Variants in ERO1B observed in about 807,000 individuals in gnomAD.
ERO1B encodes ERO1-like protein beta.
Under a neutral mutation model 75.3 loss-of-function variants are expected in ERO1B, and 49 were observed. That is an observed-to-expected ratio of 0.65 (90% CI 0.52 to 0.83). The LOEUF is 0.83. ERO1B is among the 40% of genes least tolerant of loss of function. The probability of loss-of-function intolerance (pLI) is 0.00; values close to 1 mark genes in which losing one functional copy is unlikely to be tolerated. For synonymous variants in ERO1B, 191 were observed against 192.9 expected, an observed-to-expected ratio of 0.99 and a Z score of 0.08; for missense variants, 512 against 560.1, an observed-to-expected ratio of 0.91 and a Z score of 0.87.
chr1:236,235,227 A>G (rs1457319651), intron 8 of ERO1B, among the ~76,000 whole-genome samples: 1 of 152,228 alleles, frequency 6.6e-6, no homozygotes, highest in African/African-American at 2.4e-5. Context: ...AAAGTGTGGT[A>G]CATGAGTCGG....
At chr1:236,274,790 T>C (rs896700543) in intron 1 of ERO1B, among the ~76,000 whole-genome samples, 4 of 151,692 alleles carry the variant, frequency 2.6e-5, no homozygotes, top group African/African-American at 7.3e-5. Context: ...GGAGTTTACA[T>C]TCTCATAGGG....
At chr1:236,250,051 A>G in intron 4 of ERO1B, 84 bp from the exon 5 acceptor site, 3 of 796,826 alleles carry the variant, frequency 3.8e-6, no homozygotes, top group Non-Finnish European at 5.9e-6. Context: ...CAATCTGTCA[A>G]CAATGATATA....
At chr1:236,275,978 A>G (rs1461941502) in intron 1 of ERO1B, among the ~76,000 whole-genome samples, 1 of 152,252 alleles carries the variant, frequency 6.6e-6, no homozygotes, top group African/African-American at 2.4e-5. Flanking sequence ...GATGTCAGAT[A>G]AAGTGACACT....
chr1:236,262,959 TA>T (rs1031061183), intron 2 of ERO1B, among the ~76,000 whole-genome samples: 1 of 152,070 alleles, frequency 6.6e-6, no homozygotes, highest in Non-Finnish European at 1.5e-5. Context: ...TGGAGAGATA[TA>T]AAGGCCTATA....
At chr1:236,227,996 A>ATATT (rs1479875255) in intron 10 of ERO1B, among the ~76,000 whole-genome samples, 54 of 152,238 alleles carry the variant, frequency 3.5e-4, no homozygotes, top group African/African-American at 1.3e-3. Flanking sequence ...AACATTAAGT[A>ATATT]CTAACTTCTC....
intron 8 of ERO1B, among the ~76,000 whole-genome samples, chr1:236,235,360 G>A (rs1017397076): frequency 6.6e-6 from 1 of 152,182 alleles, no homozygotes; most frequent in Non-Finnish European, 1.5e-5. Flanking sequence ...GCACTGTTAC[G>A]AGACACTGGC....
In ERO1B at chr1:236,258,149, C is replaced by CAGAAAA. The variant is rs71559929; in HGVS notation, c.223-4645_223-4644insTTTTCT. On this transcript the variant is annotated intron_variant, in intron 2 of 15. Transcript: ENST00000354619. ...AGAAAGAAAAAAAAGAAAAACAAAGCAAAAAAAAAAAAAACCCAGCCAGAT... is the reference window on the plus strand; with the variant it reads ...AGAAAGAAAAAAAAGAAAAACAAAGCAGAAAAAAAAAAAAAAAAAACCCAGCCAGAT... Among the ~76,000 whole-genome samples the CAGAAAA allele has an allele frequency of 4.1e-5, 4 of 96,574 alleles. 1 individual carries two copies. Among genetic ancestry groups the CAGAAAA allele is most frequent in the Admixed American group, 1.2e-4 (1 of 8,316 alleles). The allele number at this position is 96,574 out of a possible 152,430, so 63.4% of individuals were successfully genotyped here.
rs550205064 is a variant in ERO1B, at chr1:236,237,205, C to T, written c.506-807G>A. Among the ~76,000 whole-genome samples, 11 of 150,974 alleles carry T rather than the reference C, an allele frequency of 7.3e-5. No homozygotes were observed. The East Asian group carries it at 1.2e-3, about 16-fold the overall frequency. On this transcript the variant is annotated intron_variant, in intron 6 of 15. Coordinates refer to ENST00000354619, the MANE Select transcript of ERO1B (RefSeq NM_019891.4). ...CGCAATCTCAGCTCACCACAACCTCCGCCTCCCAGGTTCAAGCGATTCTCC... is the reference window on the plus strand; with the variant it reads ...CGCAATCTCAGCTCACCACAACCTCTGCCTCCCAGGTTCAAGCGATTCTCC...
chr1:236,228,351 T>G (rs541092011), intron 10 of ERO1B, among the ~76,000 whole-genome samples: 3 of 152,270 alleles, frequency 2.0e-5, no homozygotes, highest in Admixed American at 1.3e-4. Flanking sequence ...ATGCACCAAG[T>G]AAGTGCACCC....
At position 236,218,479 on chromosome 1, in the gene ERO1B, C is replaced by A; in HGVS notation, c.*37G>T. 2 of 1,404,728 alleles carry A rather than the reference C, an allele frequency of 1.4e-6. No individual in the cohort carries two copies. The highest frequency in any genetic ancestry group is 3.3e-5 in the South Asian group (2 of 59,852). 87.0% of individuals were successfully genotyped at this position (1,404,728 alleles called of 1,614,324 possible). ...CCATAATTAAAAGGCTTTCCACAGT[C>A]ACTTTATGTCTCTAGTTAGACACAT... On this transcript the variant is annotated 3_prime_UTR_variant, in exon 16 of 16. Transcript: ENST00000354619.
rs1188883491 is a variant in ERO1B, at chr1:236,217,700, T to C, written c.*816A>G. 6.6e-6 allele frequency: 1 copy of C among 152,530 alleles called. No homozygotes were observed. The highest frequency in any genetic ancestry group is 2.1e-4 in the South Asian group (1 of 4,834). 9.4% of individuals were successfully genotyped at this position (152,530 alleles called of 1,614,324 possible). ...TTTTCTTTCTAAAAGTAACTGACAA[T>C]TTCCAAAATGTCTTTGTCCCTAAAA... On this transcript the variant is annotated 3_prime_UTR_variant, in exon 16 of 16. Coordinates refer to ENST00000354619, the MANE Select transcript of ERO1B (RefSeq NM_019891.4).
At position 236,220,894 on chromosome 1, in the gene ERO1B, A is replaced by C; in HGVS notation, c.1281T>G (p.Ser427Arg). 1.2e-6 allele frequency: 2 copies of C among 1,604,492 alleles called. No individual in the cohort carries two copies. Among genetic ancestry groups the C allele is most frequent in the Non-Finnish European group, 1.7e-6 (2 of 1,175,658 alleles). Residue 427 changes from serine (S) to arginine (R), a missense_variant, in exon 15 of 16, where the codon AGT becomes AGG. By Grantham distance (110) the Ser-to-Arg change is moderately radical. Coordinates refer to ENST00000354619, the MANE Select transcript of ERO1B (RefSeq NM_019891.4). ...GGGTGAGTTGGAAGCCTTTAGATGGACTATTCTCTGGAAGCTTTTGGATTT... is the reference window on the plus strand; with the variant it reads ...GGGTGAGTTGGAAGCCTTTAGATGGCCTATTCTCTGGAAGCTTTTGGATTT... ...EKEIQKLPEN[S>R]PSKGFQLTRQ... is the part of the protein sequence containing the mutation.
At chr1:236,222,224 C>T (rs1262447292) in intron 13 of ERO1B, among the ~76,000 whole-genome samples, 1 of 152,156 alleles carries the variant, frequency 6.6e-6, no homozygotes, top group Admixed American at 6.5e-5. Context: ...ATTCTCCTGT[C>T]TCCTCAGCCT....
At chr1:236,225,318 C>CTAAA (rs1426028402) in intron 12 of ERO1B, among the ~76,000 whole-genome samples, 179 bp from the exon 13 acceptor site, 1 of 152,066 alleles carries the variant, frequency 6.6e-6, no homozygotes, top group African/African-American at 2.4e-5. Flanking sequence ...TCATAAAAGA[C>CTAAA]TAAAGCAAGA....
intron 3 of ERO1B, 148 bp from the exon 4 acceptor site, chr1:236,252,239 C>T (rs530313655): frequency 1.6e-6 from 1 of 613,924 alleles, no homozygotes; most frequent in South Asian, 2.1e-5. Context: ...TGTGTTTTCA[C>T]ACTATCTCAT....
chr1:236,258,997 TATC>T (rs1665232301), intron 2 of ERO1B, among the ~76,000 whole-genome samples: 2 of 152,300 alleles, frequency 1.3e-5, no homozygotes, highest in Non-Finnish European at 1.5e-5. Flanking sequence ...ATCAATTATA[TATC>T]TAATAGGAAA....
chr1:236,263,587 A>C (rs1665342101), intron 2 of ERO1B, among the ~76,000 whole-genome samples: 1 of 152,032 alleles, frequency 6.6e-6, no homozygotes, highest in East Asian at 1.9e-4. Context: ...TTAAATTTAC[A>C]TATTAACTAG....
chr1:236,226,669 T>C lies in ERO1B; in HGVS notation c.783A>G (p.Leu261=). The change falls in exon 11 of 16, where the codon CTA becomes CTG. Residue 261 remains leucine, a synonymous_variant. Transcript: ENST00000354619. ...TACCTTCCAAAAGATAATTTGCGCA[T>C]AGATGTAAATTGATGCTAGCATGAA... The part of the protein sequence containing the change: ...SGLHASINLH[L]CANYLLEETW... 1 of 1,609,458 alleles carries C rather than the reference T, an allele frequency of 6.2e-7. No homozygotes were observed. Among genetic ancestry groups the C allele is most frequent in the Non-Finnish European group, 8.5e-7 (1 of 1,177,228 alleles).
intron 1 of ERO1B, among the ~76,000 whole-genome samples, chr1:236,273,929 A>G (rs1220649384): frequency 2.0e-5 from 3 of 151,676 alleles, no homozygotes; most frequent in South Asian, 2.1e-4. Flanking sequence ...CAGTTTTACC[A>G]ATTTATCAGC....
Sources: allele counts gnomAD v4.1 joint callset (sites outside exome capture counted in the v4.1 genomes callset), GRCh38; gene constraint gnomAD v4.1.1; transcripts MANE v1.5; gene names NCBI Gene and HGNC (gene_info 2026-07-23, HGNC 2026-07-21).